INPP4B: variants seen among roughly 807,000 people sequenced by gnomAD.
INPP4B encodes the protein inositol polyphosphate 4-phosphatase type II.
A neutral mutation model predicts 122.5 loss-of-function variants in INPP4B; 55 were observed. The observed-to-expected ratio is 0.45, with a 90% CI of 0.36 to 0.56. The LOEUF (loss-of-function observed/expected upper bound fraction) is 0.56, where lower values mean the gene tolerates loss of function less well. Ranked by LOEUF, INPP4B falls within the 20% of genes least tolerant of loss-of-function variation. The probability of loss-of-function intolerance (pLI) is 0.00; values close to 1 mark genes in which losing one functional copy is unlikely to be tolerated. For missense variants in INPP4B, 1,000 were observed against 1,097.7 expected (o/e 0.91, Z 1.26); for synonymous variants, 403 against 388.7 (o/e 1.04, Z -0.43).
intron 7 of INPP4B, among the ~76,000 whole-genome samples, chr4:142,318,584 G>T (rs1030652913): frequency 3.3e-5 from 5 of 152,012 alleles, no homozygotes; most frequent in African/African-American, 1.2e-4. Flanking sequence ...ATGTCTTCCT[G>T]ACTACAAATT....
intron 7 of INPP4B, among the ~76,000 whole-genome samples, chr4:142,363,993 T>C (rs989544404): frequency 3.5e-5 from 5 of 144,464 alleles, no homozygotes; most frequent in African/African-American, 1.3e-4. Context: ...CAGAATTTTG[T>C]GAGTAGAGGT....
At chr4:142,276,015 T>C (rs1748222997) in intron 9 of INPP4B, among the ~76,000 whole-genome samples, 1 of 151,730 alleles carries the variant, frequency 6.6e-6, no homozygotes, top group African/African-American at 2.4e-5. Flanking sequence ...TAGTAGCACA[T>C]CATTCTCCAA....
chr4:142,577,975 A>G (rs1051223274), intron 2 of INPP4B, among the ~76,000 whole-genome samples: 1 of 151,984 alleles, frequency 6.6e-6, no homozygotes, highest in Admixed American at 6.6e-5. Context: ...ACACTCATGT[A>G]ACCATGTGAG....
chr4:142,611,738 G>A lies in INPP4B; in HGVS notation c.-191+114101C>T, dbSNP rs560602514. On this transcript the variant is annotated intron_variant, in intron 2 of 25. Coordinates refer to ENST00000262992, the MANE Select transcript of INPP4B (RefSeq NM_001101669.3). Reference sequence around the variant, plus strand: ...GGCTGGAGTGTGGTGGTGTGATCTCGGCTCACTGCAAGCTCTGCCTCTGAG... The same window carrying A: ...GGCTGGAGTGTGGTGGTGTGATCTCAGCTCACTGCAAGCTCTGCCTCTGAG... Among the ~76,000 whole-genome samples, 9 of 148,266 alleles carry A rather than the reference G, an allele frequency of 6.1e-5. No homozygotes were observed. In the South Asian group the frequency reaches 6.4e-4, roughly 11 times the overall value.
intron 12 of INPP4B, among the ~76,000 whole-genome samples, chr4:142,211,719 T>A (rs1844980589): frequency 6.6e-6 from 1 of 152,216 alleles, no homozygotes; most frequent in Admixed American, 6.5e-5. Context: ...ATACTCTATG[T>A]TTCATCGATA....
chr4:142,128,863 A>T lies in INPP4B; in HGVS notation c.1721-4103T>A, dbSNP rs1249029312. Among the ~76,000 whole-genome samples, 30 of 152,180 alleles carry T rather than the reference A, an allele frequency of 2.0e-4. 1 individual carries two copies. The highest frequency in any genetic ancestry group is 2.0e-3 in the Admixed American group (30 of 15,282). ...CTCAATCACTCTTATGTTACTCAGG[A>T]GAAAAATAAAAGAGCCAAATATCAA... On this transcript the variant is annotated intron_variant, in intron 18 of 25. Coordinates refer to ENST00000262992, the MANE Select transcript of INPP4B (RefSeq NM_001101669.3).
At chr4:142,582,621 A>G (rs2150208662) in intron 2 of INPP4B, among the ~76,000 whole-genome samples, 1 of 152,246 alleles carries the variant, frequency 6.6e-6, no homozygotes, top group East Asian at 1.9e-4. Flanking sequence ...AAATGGTCTA[A>G]CCAAAGAGGA....
chr4:142,219,971 A>G (rs562535927), intron 12 of INPP4B, among the ~76,000 whole-genome samples: 7 of 152,204 alleles, frequency 4.6e-5, no homozygotes, highest in Non-Finnish European at 8.8e-5. Context: ...AAAAAATTCA[A>G]TCGTACTAGG....
chr4:142,239,504 T>C (rs1193557728), intron 11 of INPP4B, among the ~76,000 whole-genome samples: 1 of 152,122 alleles, frequency 6.6e-6, no homozygotes, highest in Non-Finnish European at 1.5e-5. Flanking sequence ...ATATTTAGAG[T>C]TCATTATCTT....
chr4:142,102,949 A>G (rs141711858), intron 23 of INPP4B, among the ~76,000 whole-genome samples: 1 of 152,170 alleles, frequency 6.6e-6, no homozygotes, highest in Non-Finnish European at 1.5e-5. Context: ...ACTTGATTCT[A>G]TTGCGTTCAG....
chr4:142,776,526 T>C (rs1210598387), intron 1 of INPP4B, among the ~76,000 whole-genome samples: 1 of 152,080 alleles, frequency 6.6e-6, no homozygotes, highest in Non-Finnish European at 1.5e-5. Flanking sequence ...TTCTTAGGTA[T>C]TGGAAGTTGC....
intron 7 of INPP4B, among the ~76,000 whole-genome samples, chr4:142,320,904 C>A (rs550958285): frequency 1.3e-5 from 2 of 152,120 alleles, no homozygotes; most frequent in African/African-American, 4.8e-5. Context: ...TATATTTTTG[C>A]AATTATGAAT....
At chr4:142,657,827 G>A (rs1456320824) in intron 2 of INPP4B, among the ~76,000 whole-genome samples, 5 of 152,160 alleles carry the variant, frequency 3.3e-5, no homozygotes, top group Admixed American at 3.3e-4. Context: ...ATAATATCAA[G>A]TGTTTTAAAC....
chr4:142,301,285 C>A (rs2151125030), intron 9 of INPP4B, among the ~76,000 whole-genome samples: 1 of 152,220 alleles, frequency 6.6e-6, no homozygotes, highest in South Asian at 2.1e-4. Context: ...AATTATTAAA[C>A]CTCTACTATG....
At chr4:142,190,961 C>T (rs1443611928) in intron 15 of INPP4B, among the ~76,000 whole-genome samples, 1 of 152,034 alleles carries the variant, frequency 6.6e-6, no homozygotes, top group Non-Finnish European at 1.5e-5. Flanking sequence ...TCTGACTACC[C>T]TATGGGCAGT....
rs73850815 is a variant in INPP4B at position 142,197,386 on chromosome 4, A to G, written c.1073-4191T>C. On this transcript the variant is annotated intron_variant, in intron 14 of 25. Transcript: ENST00000262992. ...CACTGCTCTTTTGCAATCAAACTCAATTACCACCTTCTCTGTGAAATCTTT... is the reference window on the plus strand; with the variant it reads ...CACTGCTCTTTTGCAATCAAACTCAGTTACCACCTTCTCTGTGAAATCTTT... Among the ~76,000 whole-genome samples the G allele has an allele frequency of 7.9e-3, 1,207 of 152,152 alleles. 12 individuals carry two copies. Among genetic ancestry groups the G allele is most frequent in the African/African-American group, 0.028 (1,156 of 41,494 alleles).
At chr4:142,364,939 C>A (rs1786882391) in intron 7 of INPP4B, among the ~76,000 whole-genome samples, 1 of 152,024 alleles carries the variant, frequency 6.6e-6, no homozygotes, top group Non-Finnish European at 1.5e-5. Context: ...CACCTCGCCA[C>A]ACAAGAAAAT....
chr4:142,720,809 CTATA>C (rs70949184), intron 2 of INPP4B, among the ~76,000 whole-genome samples: 2 of 12,952 alleles, frequency 1.5e-4, no homozygotes, highest in African/African-American at 1.9e-4. Flanking sequence ...CTCTCTCTCT[CTATA>C]TATATATATA....
intron 2 of INPP4B, among the ~76,000 whole-genome samples, chr4:142,506,930 A>G (rs1824103642): frequency 6.6e-6 from 1 of 152,202 alleles, no homozygotes; most frequent in Non-Finnish European, 1.5e-5. Flanking sequence ...TGGAGAAAAG[A>G]TGAGCCTATT....
Sources: allele counts gnomAD v4.1 joint callset (sites outside exome capture counted in the v4.1 genomes callset), GRCh38; gene constraint gnomAD v4.1.1; transcripts MANE v1.5; gene names NCBI Gene and HGNC (gene_info 2026-07-23, HGNC 2026-07-21).